Variants in CLPSL1 observed in about 807,000 individuals in gnomAD.
CLPSL1 encodes colipase-like protein 1.
In CLPSL1, 13 loss-of-function variants were observed where a neutral mutation model predicts 9.3. That is an observed-to-expected ratio of 1.40 (90% CI 0.91 to 2.22). The LOEUF is 2.22. CLPSL1 is among the 30% of genes most tolerant of loss of function. The probability of loss-of-function intolerance (pLI) is 0.00; values close to 1 mark genes in which losing one functional copy is unlikely to be tolerated. For missense variants in CLPSL1, 164 were observed against 146.6 expected (o/e 1.12, Z -0.61); for synonymous variants, 58 against 56.9 (o/e 1.02, Z -0.08).
chr6:35,787,872 C>A lies in CLPSL1; in HGVS notation c.228C>A (p.Phe76Leu), dbSNP rs373782315. The A allele has an allele frequency of 1.2e-6, 2 of 1,609,986 alleles. No homozygotes were observed. The highest frequency in any genetic ancestry group is 1.3e-5 in the African/African-American group (1 of 74,980). The change falls in exon 3 of 3, where the codon TTC (phenylalanine) becomes TTA (leucine). Residue 76 changes from phenylalanine to leucine, a missense_variant. Phe to Leu is a conservative substitution (Grantham distance 22). Transcript: ENST00000373861. The stretch of plus-strand genomic sequence containing the variant: ...CAAAGTCCTGTCTTTCCCAGGTGTT[C>A]TTTGGCCAATATAGAGCGTGTCCCT... ...SEGSLCQTQV[F>L]FGQYRACPCL...
chr6:35,781,742 TC>T (rs1442152989), intron 1 of CLPSL1, among the ~76,000 whole-genome samples: 3 of 128,430 alleles, frequency 2.3e-5, no homozygotes, highest in Admixed American at 7.5e-5. Context: ...TTTTTTTTTT[TC>T]TTTTTCTTTT....
downstream of CLPSL1, among the ~76,000 whole-genome samples, chr6:35,790,826 A>C (rs1378178043): frequency 1.3e-5 from 2 of 152,252 alleles, no homozygotes; most frequent in Non-Finnish European, 2.9e-5. Flanking sequence ...GGAGTTCAGA[A>C]AAGAGCCTAT....
At chr6:35,789,440 A>G (rs1430513394), downstream of CLPSL1, among the ~76,000 whole-genome samples, 2 of 152,398 alleles carry the variant, frequency 1.3e-5, no homozygotes, top group South Asian at 2.1e-4. Flanking sequence ...AATAAACTCA[A>G]AATGGATTAA....
At chr6:35,787,742 C>G in intron 2 of CLPSL1, 125 bp from the exon 3 acceptor site, 1 of 922,452 alleles carries the variant, frequency 1.1e-6, no homozygotes. Flanking sequence ...AGCTGGCAAG[C>G]TATCATTTAT....
intron 1 of CLPSL1, among the ~76,000 whole-genome samples, chr6:35,785,946 C>T (rs74857524): frequency 1.8e-5 from 2 of 110,800 alleles, no homozygotes; most frequent in African/African-American, 3.7e-5. Flanking sequence ...GAGACTTTGT[C>T]AAAAAAAAAA....
chr6:35,790,571 T>C (rs1257322027), downstream of CLPSL1, among the ~76,000 whole-genome samples: 5 of 152,226 alleles, frequency 3.3e-5, no homozygotes, highest in African/African-American at 9.7e-5. Flanking sequence ...TTATGTACCA[T>C]CTCAATAGAA....
intron 1 of CLPSL1, among the ~76,000 whole-genome samples, chr6:35,785,329 C>T (rs1303938558): frequency 6.6e-6 from 1 of 151,976 alleles, no homozygotes; most frequent in East Asian, 1.9e-4. Flanking sequence ...AGGCACCCGC[C>T]ACCACGCCCA....
At chr6:35,788,374 C>A (rs577687999), downstream of CLPSL1, among the ~76,000 whole-genome samples, 5 of 152,266 alleles carry the variant, frequency 3.3e-5, no homozygotes, top group Admixed American at 6.5e-5. Flanking sequence ...TAATCTACCC[C>A]CCGGAAGCCC....
At chr6:35,793,790 G>A (rs1282497063), downstream of CLPSL1, 10 of 352,660 alleles carry the variant, frequency 2.8e-5, no homozygotes, top group South Asian at 1.5e-4. Flanking sequence ...GGACGACATC[G>A]AAGTTTCATT....
In CLPSL1 at chr6:35,781,081, C is replaced by A; in HGVS notation, c.-30C>A. 3.1e-6 allele frequency: 5 copies of A among 1,611,946 alleles called. No homozygotes were observed. The highest frequency in any genetic ancestry group is 3.4e-6 in the Non-Finnish European group (4 of 1,178,924). Reference sequence around the variant, plus strand: ...TCGGCGTGCAGGATATTTCGCTGGACCCTAGAAAAGCCACCACGACCTGTG... The same window carrying A: ...TCGGCGTGCAGGATATTTCGCTGGAACCTAGAAAAGCCACCACGACCTGTG... On this transcript the variant is annotated 5_prime_UTR_variant, in exon 1 of 3. Coordinates refer to ENST00000373861, the MANE Select transcript of CLPSL1 (RefSeq NM_001010886.5).
chr6:35,782,796 G>A (rs1264449511), intron 1 of CLPSL1, among the ~76,000 whole-genome samples: 2 of 152,146 alleles, frequency 1.3e-5, no homozygotes, highest in African/African-American at 2.4e-5. Flanking sequence ...AAGTGAGAGT[G>A]GGGATGGTGA....
intron 2 of CLPSL1, among the ~76,000 whole-genome samples, chr6:35,787,389 TCTC>T (rs1392282969): frequency 6.6e-6 from 1 of 152,236 alleles, no homozygotes; most frequent in Admixed American, 6.5e-5. Context: ...CCAGGAGTCT[TCTC>T]AGCAAATTCC....
chr6:35,787,178 C>A (rs1768099704), intron 2 of CLPSL1, 58 bp downstream of exon 2: 3 of 1,584,180 alleles, frequency 1.9e-6, no homozygotes, highest in African/African-American at 1.3e-5. Flanking sequence ...GGAGCCAGGG[C>A]GGGCCCAGAT....
chr6:35,790,125 G>A (rs1703040251), downstream of CLPSL1, among the ~76,000 whole-genome samples: 1 of 152,126 alleles, frequency 6.6e-6, no homozygotes, highest in African/African-American at 2.4e-5. Context: ...TGGGGAGGGG[G>A]AGATCTCACC....
chr6:35,790,462 G>A (rs1199839740), downstream of CLPSL1, among the ~76,000 whole-genome samples: 1 of 152,262 alleles, frequency 6.6e-6, no homozygotes, highest in Non-Finnish European at 1.5e-5. Flanking sequence ...TTGAAGGCCT[G>A]AGAATTAAAC....
At chr6:35,786,936 G>C (rs1192140180) in intron 1 of CLPSL1, 62 bp from the exon 2 acceptor site, 2 of 1,534,246 alleles carry the variant, frequency 1.3e-6, no homozygotes, top group Admixed American at 2.0e-5. Flanking sequence ...AAAGCCCCAG[G>C]CGGGGCGGCG....
downstream of CLPSL1, chr6:35,793,816 C>T (rs1244447191): frequency 2.9e-6 from 1 of 348,874 alleles, no homozygotes; most frequent in Non-Finnish European, 5.6e-6. Flanking sequence ...CACTGTCCCT[C>T]ACTCTCTGTG....
intron 2 of CLPSL1, 29 bp from the exon 3 acceptor site, chr6:35,787,838 G>C (rs1768112752): frequency 1.2e-6 from 2 of 1,602,220 alleles, no homozygotes; most frequent in East Asian, 4.5e-5. Context: ...CTGCCGCCAA[G>C]GTCGAGGTCA....
chr6:35,787,241 TC>T, intron 2 of CLPSL1, 121 bp downstream of exon 2: 3 of 1,229,074 alleles, frequency 2.4e-6, no homozygotes, highest in Non-Finnish European at 3.4e-6. Context: ...AGCCTGGAAT[TC>T]CCCCGTGGGA....
Sources: gnomAD v4.1 joint callset for allele counts (sites outside exome capture counted in the v4.1 genomes callset) on GRCh38, gnomAD v4.1.1 for gene constraint, MANE v1.5 for transcripts, NCBI Gene and HGNC (gene_info 2026-07-23, HGNC 2026-07-21) for gene names.